The following BRD10 variants were observed in gnomAD, a reference collection of about 807,000 sequenced individuals.
BRD10 encodes the protein bromodomain containing 10.
the BRD10 span, among the ~76,000 whole-genome samples, chr9:5,989,775 C>T: frequency 6.6e-6 from 1 of 152,138 alleles, no homozygotes; most frequent in Non-Finnish European, 1.5e-5. Context: ...GCGATCAGCC[C>T]ACCTTGGCCT....
At chr9:5,975,480 G>A in the BRD10 span, among the ~76,000 whole-genome samples, 2 of 146,966 alleles carry the variant, frequency 1.4e-5, no homozygotes, top group Non-Finnish European at 3.0e-5. Flanking sequence ...TAGCAATAAG[G>A]TCATTAAAGT....
chr9:5,980,353 CCT>C, the BRD10 span, among the ~76,000 whole-genome samples: 4 of 152,134 alleles, frequency 2.6e-5, no homozygotes, highest in Non-Finnish European at 5.9e-5. Context: ...AGTATTTATT[CCT>C]CTCTGTTCAA....
At chr9:5,971,821 G>C in the BRD10 span, among the ~76,000 whole-genome samples, 2 of 152,050 alleles carry the variant, frequency 1.3e-5, no homozygotes, top group African/African-American at 4.8e-5. Context: ...ACACTCAGTA[G>C]AGGGGCATAC....
At chr9:5,897,564 G>T in the BRD10 span, 2 of 1,614,034 alleles carry the variant, frequency 1.2e-6, no homozygotes, top group East Asian at 4.5e-5. Flanking sequence ...CAGGGCCGCT[G>T]GGATCGGCAT....
the BRD10 span, among the ~76,000 whole-genome samples, chr9:5,976,372 G>A: frequency 1.1e-4 from 16 of 152,248 alleles, no homozygotes; most frequent in African/African-American, 3.8e-4. Flanking sequence ...TTAACAACAG[G>A]CAAAGTTTTC....
At chr9:5,926,467 C>G in the BRD10 span, among the ~76,000 whole-genome samples, 1 of 152,166 alleles carries the variant, frequency 6.6e-6, no homozygotes, top group African/African-American at 2.4e-5. Flanking sequence ...ACCACCATAC[C>G]TGGCTAATGT....
chr9:5,915,731 AC>A, the BRD10 span, among the ~76,000 whole-genome samples: 21 of 152,044 alleles, frequency 1.4e-4, no homozygotes, highest in African/African-American at 5.1e-4. Flanking sequence ...TATTCCTCTA[AC>A]TTATTATTAT....
the BRD10 span, among the ~76,000 whole-genome samples, chr9:5,966,269 T>C: frequency 2.0e-5 from 3 of 152,102 alleles, no homozygotes; most frequent in Non-Finnish European, 2.9e-5. Flanking sequence ...TCCTCCCAAT[T>C]TTCTCTCTGA....
At chr9:5,974,504 A>C in the BRD10 span, among the ~76,000 whole-genome samples, 1 of 152,198 alleles carries the variant, frequency 6.6e-6, no homozygotes, top group Non-Finnish European at 1.5e-5. Flanking sequence ...GGTGAGCCCA[A>C]ACATTGTTTC....
the BRD10 span, among the ~76,000 whole-genome samples, chr9:5,966,334 G>T: frequency 6.6e-6 from 1 of 151,416 alleles, no homozygotes; most frequent in East Asian, 1.9e-4. Context: ...CATATGAACA[G>T]AAGTGTAATA....
At chr9:5,919,444 A>G in the BRD10 span, 2 of 406,748 alleles carry the variant, frequency 4.9e-6, no homozygotes, top group Non-Finnish European at 8.7e-6. Context: ...TAAACACAGA[A>G]CCTTGAAACC....
the BRD10 span, among the ~76,000 whole-genome samples, chr9:5,950,042 AAT>A: frequency 8.8e-4 from 134 of 152,298 alleles, no homozygotes; most frequent in African/African-American, 3.1e-3. Context: ...CTACATGACA[AAT>A]ATATAATGCA....
the BRD10 span, among the ~76,000 whole-genome samples, chr9:5,971,885 A>AT: frequency 6.6e-6 from 1 of 151,968 alleles, no homozygotes; most frequent in African/African-American, 2.4e-5. Context: ...CTGCAAGAAA[A>AT]TTTTTTTGTC....
chr9:5,946,381 T>C, the BRD10 span, among the ~76,000 whole-genome samples: 9 of 152,012 alleles, frequency 5.9e-5, no homozygotes, highest in Admixed American at 2.6e-4. Context: ...CTGGTATTTA[T>C]TAGAAACTAC....
chr9:5,927,820 T>G, the BRD10 span, among the ~76,000 whole-genome samples: 1 of 152,178 alleles, frequency 6.6e-6, no homozygotes, highest in Non-Finnish European at 1.5e-5. Context: ...CTGGAAGGTC[T>G]AATGCTCGCT....
At chr9:5,955,321 C>T in the BRD10 span, among the ~76,000 whole-genome samples, 1 of 152,092 alleles carries the variant, frequency 6.6e-6, no homozygotes, top group African/African-American at 2.4e-5. Flanking sequence ...AAATATTCAG[C>T]AATACTTTTC....
chr9:5,922,940 G>C, the BRD10 span: 1 of 1,614,004 alleles, frequency 6.2e-7, no homozygotes, highest in Non-Finnish European at 8.5e-7. Context: ...ATTTGTTAAG[G>C]TCACTTTATT....
the BRD10 span, among the ~76,000 whole-genome samples, chr9:5,982,375 G>C: frequency 2.0e-5 from 3 of 152,174 alleles, no homozygotes; most frequent in Admixed American, 2.0e-4. Context: ...GGTTTGAATA[G>C]TTGTCCCCTC....
At chr9:5,884,726 G>C in the BRD10 span, among the ~76,000 whole-genome samples, 7 of 152,262 alleles carry the variant, frequency 4.6e-5, no homozygotes, top group Admixed American at 3.3e-4. Context: ...CCCTGGTGTT[G>C]ACTCTTCAAT....
Sources: gnomAD v4.1 joint callset for allele counts (sites outside exome capture counted in the v4.1 genomes callset) on GRCh38, gnomAD v4.1.1 for gene constraint, MANE v1.5 for transcripts, NCBI Gene and HGNC (gene_info 2026-07-23, HGNC 2026-07-21) for gene names.